Variants in ZMYND8 observed in about 807,000 individuals in gnomAD.
The protein encoded by ZMYND8 is MYND-type zinc finger-containing chromatin reader ZMYND8.
In ZMYND8, 37 loss-of-function variants were observed where a neutral mutation model predicts 140.8. The ratio of observed to expected loss-of-function variants is 0.26; its 90% CI spans 0.20 to 0.35. The LOEUF is 0.35. Among genes scored for constraint, ZMYND8 ranks in the 10% least tolerant of loss-of-function variants. The pLI, the probability that ZMYND8 is intolerant of heterozygous loss-of-function variation, is 1.00. For missense variants in ZMYND8, 1,068 were observed against 1,570.0 expected, an observed-to-expected ratio of 0.68 and a Z score of 5.40; for synonymous variants, 592 against 597.1, an observed-to-expected ratio of 0.99 and a Z score of 0.12.
In ZMYND8 at chr20:47,276,616, C is replaced by G. The variant is rs2147797890; in HGVS notation, c.1178G>C (p.Ser393Thr). 1 of 1,613,900 alleles carries G rather than the reference C, an allele frequency of 6.2e-7. No homozygotes were observed. The highest frequency in any genetic ancestry group is 2.2e-5 in the East Asian group (1 of 44,832). Residue 393 changes from serine to threonine, a missense_variant, in exon 11 of 23, where the codon AGC becomes ACC. Around this residue, in one of 10 missense-constraint regions of ZMYND8, gnomAD observed 49 missense variants for 94.1 expected, o/e 0.52. Coordinates refer to ENST00000471951, the MANE Select transcript of ZMYND8 (RefSeq NM_001281775.3). Reference protein sequence around the residue: ...SPFRTPYTPNSQYQMLLDPTN... With the variant: ...SPFRTPYTPNTQYQMLLDPTN... ...GGGATCGAGCAGCATTTGATACTGG[C>G]TGTTGGGTGTGTAGGGTGTCCTAAA... is the stretch of plus-strand genomic sequence containing the variant.
chr20:47,291,698 G>T, intron 6 of ZMYND8, 98 bp downstream of exon 6: 2 of 838,692 alleles, frequency 2.4e-6, no homozygotes, highest in Non-Finnish European at 1.7e-6. Context: ...ATTTAAGATT[G>T]TTATGTCCAA....
At chr20:47,341,595 G>A (rs2081892975) in intron 2 of ZMYND8, among the ~76,000 whole-genome samples, 1 of 151,910 alleles carries the variant, frequency 6.6e-6, no homozygotes. Flanking sequence ...ACTTGGCCAG[G>A]TGCGGTGGTT....
intron 2 of ZMYND8, among the ~76,000 whole-genome samples, chr20:47,341,930 G>A (rs1159461777): frequency 2.0e-5 from 3 of 152,098 alleles, no homozygotes; most frequent in Non-Finnish European, 2.9e-5. Context: ...GTGAACCCGG[G>A]AGGCGGAGCT....
chr20:47,306,351 G>A (rs1401560150), intron 3 of ZMYND8, among the ~76,000 whole-genome samples: 1 of 152,044 alleles, frequency 6.6e-6, no homozygotes, highest in African/African-American at 2.4e-5. Context: ...CGGGGAGGTT[G>A]AGGTTGCAGT....
intron 3 of ZMYND8, among the ~76,000 whole-genome samples, chr20:47,306,565 T>C (rs2078497852): frequency 6.7e-6 from 1 of 148,626 alleles, no homozygotes; most frequent in Non-Finnish European, 1.5e-5. Context: ...AATATATGGA[T>C]TATTTGCCTT....
intron 11 of ZMYND8, among the ~76,000 whole-genome samples, chr20:47,273,601 T>C (rs1477998182): frequency 5.9e-5 from 9 of 152,208 alleles, no homozygotes; most frequent in Non-Finnish European, 1.3e-4. Context: ...TAAAAAAGTC[T>C]TAACTGTCTA....
intron 8 of ZMYND8, chr20:47,285,800 TTC>T (rs2076883432): frequency 2.7e-5 from 27 of 984,986 alleles, no homozygotes; most frequent in Non-Finnish European, 3.3e-5. Flanking sequence ...CCATGAAAAA[TTC>T]TGTTCTTCCT....
At position 47,255,779 on chromosome 20, in the gene ZMYND8, ATTTG is replaced by A. The variant is rs2074646111; in HGVS notation, c.1622-6344_1622-6341del. Reference sequence around the variant, plus strand: ...ATATATATATACGGTATATATATATATTTGTATGTGTATATATATATACCGTATA... The same window carrying A: ...ATATATATATACGGTATATATATATATATGTGTATATATATATACCGTATA... On this transcript the variant is annotated intron_variant, in intron 12 of 22. Transcript: ENST00000471951. Among the ~76,000 whole-genome samples the A allele has an allele frequency of 1.7e-4, 21 of 126,260 alleles. No homozygotes were observed. The South Asian group carries it at 5.1e-3, about 30-fold the overall frequency. 82.8% of individuals were successfully genotyped at this position (126,260 alleles called of 152,430 possible). A position where few individuals can be genotyped will look rare whatever the true frequency, so the allele number is the denominator to read the frequency against.
At chr20:47,323,188 G>T (rs554754984) in intron 2 of ZMYND8, among the ~76,000 whole-genome samples, 14 of 152,242 alleles carry the variant, frequency 9.2e-5, no homozygotes, top group African/African-American at 3.4e-4. Context: ...GGGAAGAGGG[G>T]GCCAGGGCAC....
chr20:47,230,424 G>A (rs2038307746), intron 16 of ZMYND8, among the ~76,000 whole-genome samples: 1 of 151,848 alleles, frequency 6.6e-6, no homozygotes, highest in African/African-American at 2.4e-5. Flanking sequence ...CCAAGTAGTT[G>A]GGATTACAAG....
intron 22 of ZMYND8, among the ~76,000 whole-genome samples, chr20:47,211,651 T>C (rs1472302465): frequency 6.6e-6 from 1 of 152,220 alleles, no homozygotes; most frequent in African/African-American, 2.4e-5. Context: ...CTCTGCTAGA[T>C]GGCTGACTGG....
intron 2 of ZMYND8, chr20:47,318,679 C>CT (rs2079624396): frequency 2.2e-6 from 1 of 456,292 alleles, no homozygotes; most frequent in Non-Finnish European, 4.4e-6. Flanking sequence ...GAGGACCGGT[C>CT]TGCACCCTGG....
intron 11 of ZMYND8, among the ~76,000 whole-genome samples, chr20:47,275,929 T>A (rs745830572): frequency 1.3e-5 from 2 of 152,188 alleles, no homozygotes; most frequent in Admixed American, 6.5e-5. Flanking sequence ...TTTTATCATA[T>A]GTGTTTCTCT....
chr20:47,306,341 C>T (rs1185681314), intron 3 of ZMYND8, among the ~76,000 whole-genome samples: 6 of 151,628 alleles, frequency 4.0e-5, no homozygotes, highest in African/African-American at 7.3e-5. Context: ...CCTGCAGAGC[C>T]GGGGAGGTTG....
intron 8 of ZMYND8, among the ~76,000 whole-genome samples, chr20:47,283,864 C>T (rs2076758815): frequency 6.6e-6 from 1 of 152,142 alleles, no homozygotes; most frequent in Non-Finnish European, 1.5e-5. Context: ...GCTAACTCCC[C>T]ACGTCACCCA....
chr20:47,262,350 G>C lies in ZMYND8; in HGVS notation c.1559C>G (p.Ala520Gly). ...SPKPFSPQLS[A>G]PITTKTDKTS... ...TTTGTCCGTTTTCGTCGTGATAGGA[G>C]CTGACAGTTGAGGAGAGAAGGGCTT... Residue 520 changes from alanine (A) to glycine (G), a missense_variant, in exon 12 of 23, where the codon GCT becomes GGT. Physicochemically the swap from Ala to Gly is moderately conservative, Grantham distance 60. Around this residue, in one of 10 missense-constraint regions of ZMYND8, gnomAD observed 173 missense variants for 223.3 expected, o/e 0.77. Coordinates refer to ENST00000471951, the MANE Select transcript of ZMYND8 (RefSeq NM_001281775.3). 1.2e-6 allele frequency: 2 copies of C among 1,614,080 alleles called. No homozygotes were observed. Among genetic ancestry groups the C allele is most frequent in the Non-Finnish European group, 1.7e-6 (2 of 1,180,040 alleles).
chr20:47,235,236 G>C (rs143754618), intron 16 of ZMYND8, among the ~76,000 whole-genome samples: 2 of 152,310 alleles, frequency 1.3e-5, no homozygotes, highest in East Asian at 3.8e-4. Flanking sequence ...ATTGTTCTAG[G>C]CCTTGGCAGT....
rs376020760 is a variant in ZMYND8 at position 47,349,808 on chromosome 20, A to G, written c.15-1882T>C. On this transcript the variant is annotated intron_variant, in intron 1 of 22. Coordinates refer to ENST00000471951, the MANE Select transcript of ZMYND8 (RefSeq NM_001281775.3). ...AACGCTAATCTGTGATCCAACTGAA[A>G]TCTACAGTGGTGAGGGAAACAATTA... 2.9e-5 allele frequency: 45 copies of G among 1,533,236 alleles called. No individual in the cohort carries two copies. The East Asian group carries it at 6.1e-4, about 21-fold the overall frequency. The allele number at this position is 1,533,236 out of a possible 1,614,324, so 95.0% of individuals were successfully genotyped here.
intron 1 of ZMYND8, chr20:47,352,025 G>T: frequency 2.0e-6 from 2 of 983,348 alleles, no homozygotes; most frequent in Non-Finnish European, 2.4e-6. Flanking sequence ...CCTTCAACAT[G>T]AGGCTCTGTG....
Sources: gnomAD v4.1 joint callset for allele counts (sites outside exome capture counted in the v4.1 genomes callset) on GRCh38, gnomAD v4.1.1 for gene constraint, gnomAD v4.1.1 regional missense constraint, MANE v1.5 for transcripts, NCBI Gene and HGNC (gene_info 2026-07-23, HGNC 2026-07-21) for gene names.